LRP1B: variants seen among roughly 807,000 people sequenced by gnomAD.
LRP1B encodes LDL receptor related protein 1B, also known as low-density lipoprotein receptor-related protein 1B.
A neutral mutation model predicts 556.6 loss-of-function variants in LRP1B; 217 were observed. That is an observed-to-expected ratio of 0.39 (90% CI 0.35 to 0.44). The LOEUF is 0.44. Among genes scored for constraint, LRP1B ranks in the 20% least tolerant of loss-of-function variants. LRP1B has a pLI of 1.00. For missense variants in LRP1B, 5,053 were observed against 5,620.8 expected, an observed-to-expected ratio of 0.90 and a Z score of 3.23; for synonymous variants, 2,047 against 1,865.8, an observed-to-expected ratio of 1.10 and a Z score of -2.50.
intron 66 of LRP1B, among the ~76,000 whole-genome samples, chr2:140,436,470 T>C (rs1424717912): frequency 1.3e-5 from 2 of 152,122 alleles, no homozygotes; most frequent in African/African-American, 4.8e-5. Flanking sequence ...TCCTGAGAAA[T>C]AGTGATTCCA....
At chr2:141,195,754 A>T (rs1279618621) in intron 6 of LRP1B, among the ~76,000 whole-genome samples, 1 of 152,146 alleles carries the variant, frequency 6.6e-6, no homozygotes, top group East Asian at 1.9e-4. Context: ...TCAAAGTGTC[A>T]TTCTGTGCAT....
intron 71 of LRP1B, among the ~76,000 whole-genome samples, chr2:140,369,004 G>A (rs889399039): frequency 6.6e-6 from 1 of 151,798 alleles, no homozygotes; most frequent in Admixed American, 6.6e-5. Context: ...GGAAATGATT[G>A]AATTAAAGGC....
intron 2 of LRP1B, among the ~76,000 whole-genome samples, chr2:141,555,676 G>A (rs763611424): frequency 1.1e-4 from 16 of 151,980 alleles, no homozygotes; most frequent in Non-Finnish European, 2.2e-4. Flanking sequence ...TTCATGCTTT[G>A]TAAAATTTTG....
At chr2:141,929,576 A>T (rs576992859) in intron 1 of LRP1B, among the ~76,000 whole-genome samples, 59 of 152,126 alleles carry the variant, frequency 3.9e-4, no homozygotes, top group South Asian at 1.5e-3. Context: ...TGGGAAAATG[A>T]TTGCTTCGTT....
At chr2:141,072,398 T>C (rs1287632156) in intron 7 of LRP1B, among the ~76,000 whole-genome samples, 1 of 152,084 alleles carries the variant, frequency 6.6e-6, no homozygotes, top group African/African-American at 2.4e-5. Context: ...TTGAAATGTC[T>C]ACAGGATAAT....
intron 4 of LRP1B, 48 bp from the exon 5 acceptor site, chr2:141,247,402 CT>C (rs759656997): frequency 1.5e-5 from 24 of 1,587,612 alleles, no homozygotes; most frequent in Admixed American, 3.5e-5. Flanking sequence ...ATCTTGGGCA[CT>C]TTTTTTTCTC....
intron 1 of LRP1B, among the ~76,000 whole-genome samples, chr2:141,896,424 C>T (rs1007751894): frequency 1.3e-5 from 2 of 152,110 alleles, no homozygotes; most frequent in African/African-American, 4.8e-5. Context: ...TTACATGAAA[C>T]CATACTGCCC....
Position 140,747,948 on chromosome 2 carries a change from A to G in LRP1B, c.5758+21265T>C, listed in dbSNP as rs992052627. ...TCAAGGTATGCAATTTTCAGGACGT[A>G]GGGCGGGTTTATTGTTCCATGCCAC... On this transcript the variant is annotated intron_variant, in intron 35 of 90. Transcript: ENST00000389484. Among the ~76,000 whole-genome samples the G allele has an allele frequency of 4.6e-5, 7 of 151,480 alleles. No homozygotes were observed. The East Asian group carries it at 1.4e-3, about 29-fold the overall frequency.
At chr2:140,239,587 G>A (rs1680861695) in intron 87 of LRP1B, 55 bp from the exon 88 acceptor site, 2 of 1,158,920 alleles carry the variant, frequency 1.7e-6, no homozygotes, top group Admixed American at 2.0e-5. Context: ...AGTAAAAATT[G>A]ATAAAACTAA....
In LRP1B at chr2:140,475,269, T is replaced by A; in HGVS notation, c.9494A>T (p.Gln3165Leu). The change falls in exon 60 of 91, where the codon CAG becomes CTG. Residue 3165 changes from glutamine to leucine, a missense_variant. Around this residue, in one of 5 missense-constraint regions of LRP1B, gnomAD observed 3,619 missense variants for 3,931.9 expected, o/e 0.92. Transcript: ENST00000389484. ...IGRVGMDGTN[Q>L]SVVIETKISR... Reference sequence around the variant, plus strand: ...AATCTTGGTTTCTATGACAACACTCTGATTGGTTCCATCCATTCCAACACG... The same window carrying A: ...AATCTTGGTTTCTATGACAACACTCAGATTGGTTCCATCCATTCCAACACG... 6.2e-7 allele frequency: 1 copy of A among 1,612,216 alleles called. No individual in the cohort carries two copies. The highest frequency in any genetic ancestry group is 1.7e-5 in the Admixed American group (1 of 59,810).
chr2:141,579,723 A>ATTTTTTTTTTTTTTTTTT (rs1559153915), intron 2 of LRP1B, among the ~76,000 whole-genome samples: 3 of 31,146 alleles, frequency 9.6e-5, no homozygotes, highest in East Asian at 2.6e-3. Flanking sequence ...ATCAGGTTTC[A>ATTTTTTTTTTTTTTTTTT]CTTTTTTTTT....
chr2:141,266,392 T>C (rs1209889730), intron 3 of LRP1B, among the ~76,000 whole-genome samples: 2 of 151,992 alleles, frequency 1.3e-5, no homozygotes, highest in East Asian at 3.9e-4. Flanking sequence ...CCCTTCTTCT[T>C]GTCTGGAAAT....
chr2:140,264,969 G>T (rs972155598), intron 86 of LRP1B, among the ~76,000 whole-genome samples: 7 of 151,980 alleles, frequency 4.6e-5, no homozygotes, highest in Admixed American at 3.9e-4. Context: ...GTGAGTATAT[G>T]TGTGTGTGTG....
intron 41 of LRP1B, among the ~76,000 whole-genome samples, chr2:140,619,315 CT>C (rs562249886): frequency 5.3e-4 from 81 of 151,962 alleles, no homozygotes; most frequent in African/African-American, 1.9e-3. Flanking sequence ...ATATGAACAG[CT>C]TTTTGTTCTT....
At chr2:140,950,530 C>A in intron 19 of LRP1B, 128 bp from the exon 20 acceptor site, 2 of 669,120 alleles carry the variant, frequency 3.0e-6, no homozygotes, top group Non-Finnish European at 4.8e-6. Context: ...GTCACCCAAC[C>A]TGTAGTGCAG....
chr2:140,265,801 G>A (rs1264183816), intron 86 of LRP1B, among the ~76,000 whole-genome samples: 4 of 152,008 alleles, frequency 2.6e-5, no homozygotes, highest in Non-Finnish European at 5.9e-5. Context: ...CTCCTCTGGT[G>A]AGGAGAATTG....
chr2:141,875,360 T>A lies in LRP1B; in HGVS notation c.83-64959A>T, dbSNP rs1291584753. On this transcript the variant is annotated intron_variant, in intron 1 of 90. Coordinates refer to ENST00000389484, the MANE Select transcript of LRP1B (RefSeq NM_018557.3). ...TTTTGACAAAGCTTGTTTTTCTAAG[T>A]CACATATAGACTTGCTGCCAGCATT... Among the ~76,000 whole-genome samples the A allele has an allele frequency of 5.9e-5, 9 of 151,862 alleles. No individual in the cohort carries two copies. The South Asian group carries it at 1.9e-3, about 31-fold the overall frequency.
At chr2:140,485,841 G>GCA (rs879704162) in intron 58 of LRP1B, among the ~76,000 whole-genome samples, 6 of 54,792 alleles carry the variant, frequency 1.1e-4, no homozygotes, top group East Asian at 8.5e-4. Flanking sequence ...AAATTCTCAC[G>GCA]CACATACACA....
chr2:140,561,235 T>C (rs1177191802), intron 43 of LRP1B, among the ~76,000 whole-genome samples: 2 of 152,322 alleles, frequency 1.3e-5, no homozygotes, highest in East Asian at 1.9e-4. Flanking sequence ...TTTTCTATCC[T>C]ACCCTTGTAC....
Sources: allele counts gnomAD v4.1 joint callset (sites outside exome capture counted in the v4.1 genomes callset), GRCh38; gene constraint gnomAD v4.1.1; regional missense constraint gnomAD v4.1.1; transcripts MANE v1.5; gene names NCBI Gene and HGNC (gene_info 2026-07-23, HGNC 2026-07-21).